Variants in ASPHD1 observed in about 807,000 individuals in gnomAD.
ASPHD1 encodes aspartate beta-hydroxylase domain-containing protein 1.
In ASPHD1, 20 loss-of-function variants were observed where a neutral mutation model predicts 28.3. The ratio of observed to expected loss-of-function variants is 0.71; its 90% confidence interval spans 0.50 to 1.03. ASPHD1 has a LOEUF of 1.03. Among genes scored for constraint, ASPHD1 ranks in the 50% least tolerant of loss-of-function variants. ASPHD1 has a pLI of 0.00. For missense variants in ASPHD1, 479 were observed against 524.1 expected (o/e 0.91, Z 0.84); for synonymous variants, 240 against 221.2 (o/e 1.08, Z -0.75).
chr16:29,911,881 G>C, intron 3 of ASPHD1: 6 of 1,612,096 alleles, frequency 3.7e-6, no homozygotes, highest in Non-Finnish European at 5.1e-6. Context: ...GCGGGGGAGA[G>C]AGGATGGACG....
At position 29,905,903 on chromosome 16, in the gene ASPHD1, G is replaced by GGGT; in HGVS notation, c.*7_*8insGTG. 1.2e-6 allele frequency: 2 copies of GGGT among 1,609,374 alleles called. No individual in the cohort carries two copies. Among genetic ancestry groups the GGGT allele is most frequent in the Non-Finnish European group, 1.7e-6 (2 of 1,176,542 alleles). On this transcript the variant is annotated 3_prime_UTR_variant, in exon 3 of 3. Coordinates refer to ENST00000308748, the MANE Select transcript of ASPHD1 (RefSeq NM_181718.4). ...TCTTCGCCCCAGACCCTTGAAGGAAGGTGCTCCCTTCACACACCCAGGCTG... is the reference window on the plus strand; with the variant it reads ...TCTTCGCCCCAGACCCTTGAAGGAAGGGTGTGCTCCCTTCACACACCCAGGCTG...
At chr16:29,910,501 C>T, downstream of ASPHD1, among the ~76,000 whole-genome samples, 1 of 152,048 alleles carries the variant, frequency 6.6e-6, no homozygotes, top group East Asian at 1.9e-4. Flanking sequence ...GCCATCATGT[C>T]ACCAAGCCAC....
At chr16:29,915,424 G>C (rs1285235994) in intron 3 of ASPHD1, 4 of 152,066 alleles carry the variant, frequency 2.6e-5, no homozygotes, top group Non-Finnish European at 5.9e-5. Flanking sequence ...GGCCGAGGTG[G>C]GTGGATCACC....
At chr16:29,911,877 G>T in intron 3 of ASPHD1, 3 of 1,612,350 alleles carry the variant, frequency 1.9e-6, no homozygotes, top group Non-Finnish European at 2.5e-6. Context: ...GCTGGCGGGG[G>T]AGAGAGGATG....
intron 3 of ASPHD1, chr16:29,912,164 G>C: frequency 1.4e-6 from 1 of 710,184 alleles, no homozygotes; most frequent in South Asian, 1.6e-5. Flanking sequence ...GGTCCGCAGG[G>C]CTCTGCAGGC....
chr16:29,911,345 G>T (rs1390758820), intron 3 of ASPHD1: 8 of 614,514 alleles, frequency 1.3e-5, no homozygotes, highest in South Asian at 1.2e-4. Flanking sequence ...CAGAAGGGAA[G>T]CCACATGCGC....
At chr16:29,916,592 G>C (rs2068813178) in intron 3 of ASPHD1, among the ~76,000 whole-genome samples, 1 of 152,200 alleles carries the variant, frequency 6.6e-6, no homozygotes, top group Non-Finnish European at 1.5e-5. Flanking sequence ...GTCCAGGTGT[G>C]GAGGCTCATG....
At chr16:29,902,148 C>G (rs1393332514) in intron 1 of ASPHD1, among the ~76,000 whole-genome samples, 1 of 152,176 alleles carries the variant, frequency 6.6e-6, no homozygotes, top group Non-Finnish European at 1.5e-5. Flanking sequence ...CACCTTGGCT[C>G]TCCCCCCGAC....
intron 1 of ASPHD1, among the ~76,000 whole-genome samples, chr16:29,904,126 G>GAATAAAATAAAATAA (rs55763869): frequency 2.6e-4 from 38 of 147,282 alleles, no homozygotes; most frequent in African/African-American, 6.2e-4. Context: ...GTCTGTATAA[G>GAATAAAATAAAATAA]AATAAAATAA....
At chr16:29,910,929 G>A, downstream of ASPHD1, 1 of 1,556,336 alleles carries the variant, frequency 6.4e-7, no homozygotes, top group Non-Finnish European at 8.8e-7. Context: ...CCAGGGTCCT[G>A]GTCCTGGCCA....
At chr16:29,908,530 C>T (rs1475894829), downstream of ASPHD1, among the ~76,000 whole-genome samples, 1 of 152,010 alleles carries the variant, frequency 6.6e-6, no homozygotes, top group East Asian at 1.9e-4. Context: ...GGATTACAGG[C>T]ATGTGCCATT....
chr16:29,901,070 G>A lies in ASPHD1; in HGVS notation c.99G>A (p.Gly33=), dbSNP rs780521617. The A allele has an allele frequency of 1.2e-6, 2 of 1,610,276 alleles. No individual in the cohort carries two copies. The highest frequency in any genetic ancestry group is 2.2e-5 in the South Asian group (2 of 90,734). Residue 33 remains glycine (G), a synonymous_variant, in exon 1 of 3, where the codon GGG becomes GGA. Coordinates refer to ENST00000308748, the MANE Select transcript of ASPHD1 (RefSeq NM_181718.4). This position sits in a 1 kb window ranked among gnomAD's most constrained non-coding sequence, Gnocchi z 5.1. ...TGTGGAAGGGAAACAGTCCAGCGGG[G>A]AGCCAGGGGGCAGCCATGGAAGGGA... ...SGMWKGNSPA[G]SQGAAMEGTG...
intron 3 of ASPHD1, among the ~76,000 whole-genome samples, chr16:29,917,378 G>A (rs7197342): frequency 0.013 from 1,928 of 152,172 alleles, 50 homozygotes; most frequent in African/African-American, 0.043. Flanking sequence ...CAGGTATAGC[G>A]GATCACACCT....
At chr16:29,906,553 G>A, downstream of ASPHD1, 1 of 502,780 alleles carries the variant, frequency 2.0e-6, no homozygotes, top group Non-Finnish European at 3.9e-6. Context: ...GCACACTTTG[G>A]CATGGACGAT....
At chr16:29,911,261 C>T in intron 3 of ASPHD1, 1 of 1,004,686 alleles carries the variant, frequency 1.0e-6, no homozygotes, top group Non-Finnish European at 1.5e-6. Flanking sequence ...CATTCCCAGT[C>T]CTCTGCTCCT....
intron 1 of ASPHD1, among the ~76,000 whole-genome samples, chr16:29,904,451 AAAAAC>A (rs1022521543): frequency 6.6e-6 from 1 of 151,734 alleles, no homozygotes; most frequent in African/African-American, 2.4e-5. Context: ...TCTCAAAAAA[AAAAAC>A]AAAACAAAAA....
chr16:29,911,449 A>G, intron 3 of ASPHD1: 1 of 548,754 alleles, frequency 1.8e-6, no homozygotes. Flanking sequence ...CCATTTTTTA[A>G]CTGGGTGACA....
chr16:29,917,877 G>A (rs904204896), intron 3 of ASPHD1, among the ~76,000 whole-genome samples: 2 of 152,176 alleles, frequency 1.3e-5, no homozygotes, highest in African/African-American at 4.8e-5. Context: ...GAACCTGGGA[G>A]GTGGAGGTTG....
At chr16:29,907,156 G>A (rs201374973), downstream of ASPHD1, 38 of 1,361,944 alleles carry the variant, frequency 2.8e-5, no homozygotes, top group Non-Finnish European at 3.8e-5. Context: ...GTGCAGTCAC[G>A]CAGGGCCATC....
Sources: allele counts gnomAD v4.1 joint callset (sites outside exome capture counted in the v4.1 genomes callset), GRCh38; gene constraint gnomAD v4.1.1; non-coding constraint Gnocchi (gnomAD v3.1); transcripts MANE v1.5; gene names NCBI Gene and HGNC (gene_info 2026-07-23, HGNC 2026-07-21).